FAM78A: variants seen among roughly 807,000 people sequenced by gnomAD.
The protein encoded by FAM78A is protein FAM78A.
FAM78A carries 12 observed loss-of-function variants against 22.6 expected under a neutral mutation model. The ratio of observed to expected loss-of-function variants is 0.53; its 90% CI spans 0.34 to 0.86. The LOEUF is 0.86. Ranked by LOEUF, FAM78A falls within the 40% of genes least tolerant of loss-of-function variation. The pLI, the probability that FAM78A is intolerant of heterozygous loss-of-function variation, is 0.02. For synonymous variants in FAM78A, 151 were observed against 155.8 expected (o/e 0.97, Z 0.23); for missense variants, 322 against 396.1 (o/e 0.81, Z 1.59).
At chr9:131,262,695 G>A (rs540284976) in intron 1 of FAM78A, 4 of 152,260 alleles carry the variant, frequency 2.6e-5, no homozygotes, top group South Asian at 4.1e-4. Context: ...ACGTACAATG[G>A]AATGTTCTTC....
rs1835262579 is a variant in FAM78A, at chr9:131,261,203, G to A, written c.471C>T (p.Ser157=). The part of the protein sequence containing the change: ...PTKRDSKFII[S]MNDNFYPSVT... ...CGCTGGGGTAAAAGTTGTCATTCAT[G>A]CTGATGATGAACTTGGAGTCCCTCT... Residue 157 remains serine (S), a synonymous_variant, in exon 2 of 2, where the codon AGC becomes AGT. Coordinates refer to ENST00000372271, the MANE Select transcript of FAM78A (RefSeq NM_033387.4). This position sits in a 1 kb window ranked among gnomAD's most constrained non-coding sequence, Gnocchi z 7.1. The A allele has an allele frequency of 1.9e-6, 3 of 1,613,908 alleles. No individual in the cohort carries two copies. The highest frequency in any genetic ancestry group is 3.3e-5 in the Admixed American group (2 of 59,992).
chr9:131,275,646 C>T lies in FAM78A; in HGVS notation c.323+211G>A, dbSNP rs948341466. On this transcript the variant is annotated intron_variant, in intron 1 of 1. Coordinates refer to ENST00000372271, the MANE Select transcript of FAM78A (RefSeq NM_033387.4). The surrounding 1 kb of genome is among the most constrained non-coding windows in gnomAD (Gnocchi z 4.6). ...GGGGGAACAGTGGCAGGGTAGATTG[C>T]AGGACCGTGACTCCAATCTGGATCC... is the stretch of plus-strand genomic sequence containing the variant. Among the ~76,000 whole-genome samples the T allele has an allele frequency of 2.0e-5, 3 of 152,206 alleles. No individual in the cohort carries two copies. Among genetic ancestry groups the T allele is most frequent in the African/African-American group, 7.2e-5 (3 of 41,446 alleles).
At chr9:131,277,280 GC>G (rs1284029573), upstream of FAM78A, among the ~76,000 whole-genome samples, 1 of 151,780 alleles carries the variant, frequency 6.6e-6, no homozygotes, top group African/African-American at 2.4e-5. The surrounding 1 kb of genome is among the most constrained non-coding windows in gnomAD (Gnocchi z 8.4). Flanking sequence ...CGCGCCGCCA[GC>G]GCCAGGTGCC....
chr9:131,270,944 C>G (rs1193230351), intron 1 of FAM78A, among the ~76,000 whole-genome samples: 1 of 151,220 alleles, frequency 6.6e-6, no homozygotes, highest in East Asian at 1.9e-4. Flanking sequence ...GTCATCCCAG[C>G]AGGACAGGGT....
intron 1 of FAM78A, among the ~76,000 whole-genome samples, chr9:131,266,888 G>T (rs563639443): frequency 1.3e-5 from 2 of 152,344 alleles, no homozygotes; most frequent in East Asian, 3.9e-4. Context: ...AGCCCACAGG[G>T]CATCTCTGTG....
chr9:131,271,496 T>C (rs1322615639), intron 1 of FAM78A, among the ~76,000 whole-genome samples: 1 of 152,200 alleles, frequency 6.6e-6, no homozygotes, highest in East Asian at 1.9e-4. Flanking sequence ...TCCCATGTCA[T>C]AGATGGGAAC....
In FAM78A at chr9:131,260,660, C is replaced by A. The variant is rs1035954348; in HGVS notation, c.*162G>T. 2 of 763,934 alleles carry A rather than the reference C, an allele frequency of 2.6e-6. No individual in the cohort carries two copies. Among genetic ancestry groups the A allele is most frequent in the Non-Finnish European group, 3.9e-6 (2 of 511,626 alleles). 47.3% of individuals were successfully genotyped at this position (763,934 alleles called of 1,614,324 possible). Reference sequence around the variant, plus strand: ...CCTCTCCCTGAAAGGAAGCAGGTGCCGAGAGCCGGGGAGGCCTTCCCGGGG... The same window carrying A: ...CCTCTCCCTGAAAGGAAGCAGGTGCAGAGAGCCGGGGAGGCCTTCCCGGGG... On this transcript the variant is annotated 3_prime_UTR_variant, in exon 2 of 2. Transcript: ENST00000372271. The surrounding 1 kb of genome is among the most constrained non-coding windows in gnomAD (Gnocchi z 5.4).
rs555039715 is a variant in FAM78A at position 131,262,001 on chromosome 9, C to T, written c.324-651G>A. Among the ~76,000 whole-genome samples, 231 of 151,546 alleles carry T rather than the reference C, an allele frequency of 1.5e-3. 2 individuals carry two copies. The highest frequency in any genetic ancestry group is 6.8e-3 in the Middle Eastern group (2 of 292). On this transcript the variant is annotated intron_variant, in intron 1 of 1. Transcript: ENST00000372271. ...CAGCACTTTGGGAGGCTGAGGCAGGCTGATCACTTGAGGTTAGGAGTTCAA... is the reference window on the plus strand; with the variant it reads ...CAGCACTTTGGGAGGCTGAGGCAGGTTGATCACTTGAGGTTAGGAGTTCAA...
At chr9:131,280,106 G>A (rs1835527818), upstream of FAM78A, among the ~76,000 whole-genome samples, 1 of 115,330 alleles carries the variant, frequency 8.7e-6, no homozygotes, top group Non-Finnish European at 2.2e-5. Context: ...ATCTCAGTCT[G>A]CAGGAGAAGG....
intron 1 of FAM78A, among the ~76,000 whole-genome samples, chr9:131,269,162 G>A (rs1484961578): frequency 6.7e-6 from 1 of 149,094 alleles, no homozygotes; most frequent in Non-Finnish European, 1.5e-5. Context: ...CTCCCCATGC[G>A]CCCCTCCCCA....
chr9:131,262,830 C>A (rs1835291489), intron 1 of FAM78A: 1 of 152,096 alleles, frequency 6.6e-6, no homozygotes, highest in Non-Finnish European at 1.5e-5. Flanking sequence ...TATGTGAAGT[C>A]CCTAGTGTTG....
At chr9:131,264,924 T>A (rs1479149888) in intron 1 of FAM78A, among the ~76,000 whole-genome samples, 1 of 152,120 alleles carries the variant, frequency 6.6e-6, no homozygotes, top group Non-Finnish European at 1.5e-5. Context: ...GGTTTCACCA[T>A]GTTGGCCAGG....
At chr9:131,278,019 G>A (rs1202593966), upstream of FAM78A, among the ~76,000 whole-genome samples, 9 of 146,564 alleles carry the variant, frequency 6.1e-5, no homozygotes, top group East Asian at 1.8e-3. Context: ...CCGCTCGCCG[G>A]CCCCGCGGGG....
At chr9:131,263,588 G>C (rs1049588456) in intron 1 of FAM78A, 2 of 167,250 alleles carry the variant, frequency 1.2e-5, no homozygotes, top group African/African-American at 4.8e-5. Context: ...GGGTGACAGA[G>C]CCAGACCCTG....
chr9:131,280,467 G>T (rs1030867804), upstream of FAM78A, among the ~76,000 whole-genome samples: 1 of 152,128 alleles, frequency 6.6e-6, no homozygotes, highest in African/African-American at 2.4e-5. Context: ...TTGCCCAACA[G>T]CACAGGGCAC....
rs150564816 is a variant in FAM78A, at chr9:131,261,305, G to A, written c.369C>T (p.Ala123=). 1.0e-5 allele frequency: 16 copies of A among 1,602,866 alleles called. No homozygotes were observed. The African/African-American group carries it at 1.9e-4, about 19-fold the overall frequency. Residue 123 remains alanine, a synonymous_variant, in exon 2 of 2, where the codon GCC becomes GCT. Transcript: ENST00000372271. The surrounding 1 kb of genome is among the most constrained non-coding windows in gnomAD (Gnocchi z 7.1). The part of the protein sequence containing the change: ...LPDLQEGKIQ[A]ISDSDGVNYP... ...AGTTCACCCCATCCGAGTCGCTGAT[G>A]GCTTGGATCTTGCCCTCCTGGAGGT... is the stretch of plus-strand genomic sequence containing the variant.
intron 1 of FAM78A, among the ~76,000 whole-genome samples, chr9:131,273,302 A>G (rs1450938329): frequency 6.6e-6 from 1 of 151,772 alleles, no homozygotes; most frequent in African/African-American, 2.4e-5. Context: ...AGACACGTGG[A>G]CCCTTCTGCC....
At chr9:131,266,718 C>T (rs1835350186) in intron 1 of FAM78A, among the ~76,000 whole-genome samples, 1 of 120,506 alleles carries the variant, frequency 8.3e-6, no homozygotes, top group Non-Finnish European at 1.7e-5. Flanking sequence ...TGCTGCCAGT[C>T]TCTACCCTAG....
chr9:131,270,680 A>G (rs1413447399), intron 1 of FAM78A, among the ~76,000 whole-genome samples: 1 of 150,634 alleles, frequency 6.6e-6, no homozygotes, highest in East Asian at 2.0e-4. Flanking sequence ...GGTTACAGAG[A>G]GGAAGCCTCC....
Sources: gnomAD v4.1 joint callset for allele counts (sites outside exome capture counted in the v4.1 genomes callset) on GRCh38, gnomAD v4.1.1 for gene constraint, Gnocchi (gnomAD v3.1) non-coding constraint, MANE v1.5 for transcripts, NCBI Gene and HGNC (gene_info 2026-07-23, HGNC 2026-07-21) for gene names.